CD2AP: variants seen among roughly 807,000 people sequenced by gnomAD.
The protein encoded by CD2AP is CD2-associated protein.
In CD2AP, 46 loss-of-function variants were observed where a neutral mutation model predicts 85.1. That is an observed-to-expected ratio of 0.54 (90% CI 0.43 to 0.69). CD2AP has a LOEUF of 0.69. Among genes scored for constraint, CD2AP ranks in the 30% least tolerant of loss-of-function variants. The pLI is 0.00. For synonymous variants in CD2AP, 255 were observed against 252.9 expected, an observed-to-expected ratio of 1.01 and a Z score of -0.08; for missense variants, 769 against 729.5, an observed-to-expected ratio of 1.05 and a Z score of -0.62.
chr6:47,607,838 TAA>T, intron 14 of CD2AP, 87 bp from the exon 15 acceptor site: 1 of 837,190 alleles, frequency 1.2e-6, no homozygotes, highest in Non-Finnish European at 1.9e-6. Context: ...TGAAAATCCA[TAA>T]AAGTTATTTG....
intron 14 of CD2AP, 179 bp from the exon 15 acceptor site, chr6:47,607,748 A>G (rs1769313579): frequency 1.9e-6 from 1 of 521,046 alleles, no homozygotes. Flanking sequence ...TTTTGCCCTC[A>G]AGATATGCAA....
At chr6:47,594,595 T>G (rs1176312761) in intron 11 of CD2AP, among the ~76,000 whole-genome samples, 2 of 152,066 alleles carry the variant, frequency 1.3e-5, no homozygotes, top group Non-Finnish European at 2.9e-5. Context: ...GTTTGGCTGG[T>G]TGTTATAACT....
chr6:47,516,908 C>G (rs1335820669), intron 2 of CD2AP, among the ~76,000 whole-genome samples: 1 of 152,094 alleles, frequency 6.6e-6, no homozygotes, highest in Non-Finnish European at 1.5e-5. Flanking sequence ...TATATCAATT[C>G]TATAGTTTTT....
intron 8 of CD2AP, among the ~76,000 whole-genome samples, chr6:47,578,793 A>T (rs1385023711): frequency 1.3e-5 from 2 of 151,378 alleles, no homozygotes; most frequent in African/African-American, 4.9e-5. Context: ...AGTAGCTGGG[A>T]CTACAGGCGC....
intron 3 of CD2AP, among the ~76,000 whole-genome samples, chr6:47,544,049 G>T (rs1767303335): frequency 6.6e-6 from 1 of 152,196 alleles, no homozygotes; most frequent in Non-Finnish European, 1.5e-5. Flanking sequence ...GGTTATAAAT[G>T]ATCACTTCTG....
At chr6:47,604,866 A>T (rs1215367675) in intron 13 of CD2AP, among the ~76,000 whole-genome samples, 1 of 152,050 alleles carries the variant, frequency 6.6e-6, no homozygotes, top group Admixed American at 6.6e-5. Flanking sequence ...GAATCAGCTT[A>T]GTTGATACAA....
At chr6:47,580,963 A>G in intron 10 of CD2AP, 63 bp downstream of exon 10, 1 of 1,065,228 alleles carries the variant, frequency 9.4e-7, no homozygotes, top group Non-Finnish European at 1.5e-6. Context: ...AAAATGGTAA[A>G]ATTGGATCTA....
At position 47,624,719 on chromosome 6, in the gene CD2AP, GTGTATATATATA is replaced by G. The variant is rs1769863408; in HGVS notation, c.*494_*505del. 7.9e-6 allele frequency: 1 copy of G among 127,382 alleles called. No individual in the cohort carries two copies. The highest frequency in any genetic ancestry group is 7.9e-5 in the Admixed American group (1 of 12,624). 7.9% of individuals were successfully genotyped at this position (127,382 alleles called of 1,614,324 possible). On this transcript the variant is annotated 3_prime_UTR_variant, in exon 18 of 18. Transcript: ENST00000359314. ...TGTGTGTGTGTGTGTGTGTGTGTGT[GTGTATATATATA>G]TATATATTTTTACTTTTATCCTCTT...
rs751746319 is a variant in CD2AP, at chr6:47,533,749, A to C, written c.313A>C (p.Lys105Gln). The part of the protein sequence containing the change: ...IQPHPQTKNI[K>Q]KKTKKRQCKV... ...GCCACATCCACAAACCAAAAACATT[A>C]AGAAGAGTATGTAAATAATTCCTTT... is the stretch of plus-strand genomic sequence containing the variant. The change falls in exon 3 of 18, where the codon AAG (lysine) becomes CAG (glutamine). Residue 105 changes from lysine (K) to glutamine (Q), a missense_variant. By Grantham distance (53) the Lys-to-Gln change is moderately conservative. Transcript: ENST00000359314. 1.2e-6 allele frequency: 2 copies of C among 1,613,914 alleles called. No homozygotes were observed. The highest frequency in any genetic ancestry group is 1.7e-6 in the Non-Finnish European group (2 of 1,179,860).
chr6:47,495,078 A>C (rs963922977), intron 1 of CD2AP, among the ~76,000 whole-genome samples: 10 of 152,078 alleles, frequency 6.6e-5, no homozygotes, highest in African/African-American at 2.4e-4. Context: ...TGGGAGGATC[A>C]CTTGAACCTG....
chr6:47,524,069 TAGAAATTCA>T (rs1766662701), intron 2 of CD2AP, among the ~76,000 whole-genome samples: 1 of 152,216 alleles, frequency 6.6e-6, no homozygotes, highest in Admixed American at 6.5e-5. Flanking sequence ...ATACTGTAAA[TAGAAATTCA>T]AGAAATTCAA....
At chr6:47,612,715 A>G (rs1395105439) in intron 17 of CD2AP, among the ~76,000 whole-genome samples, 179 bp downstream of exon 17, 1 of 152,102 alleles carries the variant, frequency 6.6e-6, no homozygotes, top group Non-Finnish European at 1.5e-5. Flanking sequence ...TTGCAACAAC[A>G]TGGATGGAAC....
intron 2 of CD2AP, among the ~76,000 whole-genome samples, chr6:47,511,334 C>G (rs1208577404): frequency 6.6e-6 from 1 of 152,048 alleles, no homozygotes; most frequent in African/African-American, 2.4e-5. Flanking sequence ...CAGTACTCCT[C>G]AAAAATGTCA....
intron 7 of CD2AP, 72 bp from the exon 8 acceptor site, chr6:47,576,937 A>ATAGAGGC (rs1253338279): frequency 1.2e-6 from 1 of 855,490 alleles, no homozygotes; most frequent in African/African-American, 1.7e-5. Flanking sequence ...TTTACACAAG[A>ATAGAGGC]TAGAGGCTAA....
chr6:47,587,500 C>T (rs1358165564), intron 11 of CD2AP, among the ~76,000 whole-genome samples: 1 of 152,182 alleles, frequency 6.6e-6, no homozygotes, highest in African/African-American at 2.4e-5. Context: ...TTCTCTGCCC[C>T]TCTGTTGTTT....
intron 17 of CD2AP, among the ~76,000 whole-genome samples, chr6:47,623,952 G>A (rs1251625492): frequency 6.6e-6 from 1 of 151,968 alleles, no homozygotes; most frequent in East Asian, 1.9e-4. Context: ...CTTAACATTT[G>A]TTCTGGCTGA....
chr6:47,621,545 A>T (rs187339818), intron 17 of CD2AP, among the ~76,000 whole-genome samples: 1 of 152,262 alleles, frequency 6.6e-6, no homozygotes, highest in Non-Finnish European at 1.5e-5. Context: ...TATCAGGGTG[A>T]TGCTGGCTTC....
intron 1 of CD2AP, among the ~76,000 whole-genome samples, chr6:47,495,464 G>T (rs992065225): frequency 6.6e-6 from 1 of 152,124 alleles, no homozygotes; most frequent in Non-Finnish European, 1.5e-5. Context: ...CTCGCCTCCC[G>T]AAAGAGGAGA....
intron 1 of CD2AP, among the ~76,000 whole-genome samples, chr6:47,486,928 A>G (rs570498061): frequency 6.6e-6 from 1 of 152,266 alleles, no homozygotes; most frequent in South Asian, 2.1e-4. Flanking sequence ...TGGTCTTTTA[A>G]ATGTATATAC....
Sources: gnomAD v4.1 joint callset for allele counts (sites outside exome capture counted in the v4.1 genomes callset) on GRCh38, gnomAD v4.1.1 for gene constraint, MANE v1.5 for transcripts, NCBI Gene and HGNC (gene_info 2026-07-23, HGNC 2026-07-21) for gene names.